The following DACH2 variants were observed in gnomAD, a reference collection of about 807,000 sequenced individuals.
The protein encoded by DACH2 is dachshund homolog 2.
In DACH2, 17 loss-of-function variants were observed where a neutral mutation model predicts 35.8. The ratio of observed to expected loss-of-function variants is 0.48; its 90% CI spans 0.33 to 0.71. The LOEUF (loss-of-function observed/expected upper bound fraction) is 0.71, where lower values mean the gene tolerates loss of function less well. DACH2 is among the 30% of genes least tolerant of loss of function. The pLI is 0.02. For synonymous variants in DACH2, 195 were observed against 177.3 expected, an observed-to-expected ratio of 1.10 and a Z score of -0.79; for missense variants, 469 against 472.7, an observed-to-expected ratio of 0.99 and a Z score of 0.07.
chrX:86,311,146 A>T (rs2034791799), intron 1 of DACH2, among the ~76,000 whole-genome samples: 1 of 112,056 alleles, frequency 8.9e-6, no homozygotes, highest in Non-Finnish European at 1.9e-5. Flanking sequence ...CCATCATGGA[A>T]AGAACAAAGG....
At position 86,369,835 on chromosome X, in the gene DACH2, A is replaced by C. The variant is rs149824610; in HGVS notation, c.489-6989A>C. Among the ~76,000 whole-genome samples, 15 of 111,874 alleles carry C rather than the reference A, an allele frequency of 1.3e-4. No individual in the cohort carries two copies. The East Asian group carries it at 4.0e-3, about 29-fold the overall frequency. On this transcript the variant is annotated intron_variant, in intron 1 of 11. Coordinates refer to ENST00000373125, the MANE Select transcript of DACH2 (RefSeq NM_053281.3). ...AACTTTGGCTACTCAGAGAAAGTTT[A>C]CTCAGATTCTAGAACACCATGGCTG... is the stretch of plus-strand genomic sequence containing the variant.
intron 1 of DACH2, among the ~76,000 whole-genome samples, chrX:86,346,538 A>G (rs2035500395): frequency 1.8e-5 from 2 of 111,526 alleles, no homozygotes; most frequent in South Asian, 7.5e-4. Context: ...TCATCTTAAG[A>G]TAAAACCCCA....
intron 1 of DACH2, among the ~76,000 whole-genome samples, chrX:86,315,157 A>G (rs778009881): frequency 5.4e-5 from 6 of 111,874 alleles, no homozygotes; most frequent in Non-Finnish European, 1.1e-4. Context: ...ATGCTCATTT[A>G]CCATTCTGAA....
At chrX:86,695,274 T>A in intron 5 of DACH2, 95 bp downstream of exon 5, 4 of 755,182 alleles carry the variant, frequency 5.3e-6, no homozygotes, top group Non-Finnish European at 5.2e-6. Context: ...AGTCTATTTT[T>A]CTTCAATAAA....
intron 7 of DACH2, chrX:86,799,042 G>T: frequency 3.5e-6 from 1 of 281,945 alleles, no homozygotes. Context: ...TTTTATAGCA[G>T]GTGGTATTCT....
intron 2 of DACH2, among the ~76,000 whole-genome samples, chrX:86,468,487 T>A (rs2037709688): frequency 9.0e-6 from 1 of 111,601 alleles, no homozygotes; most frequent in Non-Finnish European, 1.9e-5. Context: ...CTACAACAAC[T>A]TCTTTTAAAG....
chrX:86,565,475 G>A (rs191186085), intron 3 of DACH2, among the ~76,000 whole-genome samples: 17 of 111,284 alleles, frequency 1.5e-4, no homozygotes, highest in Non-Finnish European at 2.3e-4. Flanking sequence ...TTGGCAGCGG[G>A]GCCCAGCAGT....
intron 2 of DACH2, among the ~76,000 whole-genome samples, chrX:86,416,012 T>C (rs1170959119): frequency 8.9e-6 from 1 of 112,011 alleles, no homozygotes; most frequent in Non-Finnish European, 1.9e-5. Context: ...TGGTTTGAAG[T>C]CAAGCAACAT....
intron 2 of DACH2, among the ~76,000 whole-genome samples, chrX:86,485,401 T>C (rs1315415986): frequency 1.8e-5 from 2 of 111,360 alleles, no homozygotes; most frequent in African/African-American, 3.3e-5. Flanking sequence ...TGGAGAAAGA[T>C]TGGTCAATGG....
intron 1 of DACH2, among the ~76,000 whole-genome samples, chrX:86,206,303 T>G (rs1451928841): frequency 9.0e-6 from 1 of 111,224 alleles, no homozygotes; most frequent in East Asian, 2.8e-4. Context: ...GAAACTAGGT[T>G]TACTTGTTTT....
At chrX:86,795,007 A>G (rs540019551) in intron 7 of DACH2, among the ~76,000 whole-genome samples, 2 of 111,180 alleles carry the variant, frequency 1.8e-5, no homozygotes, top group East Asian at 2.8e-4. Context: ...ATATCTTGTC[A>G]TTAGCCAAGA....
intron 1 of DACH2, among the ~76,000 whole-genome samples, chrX:86,272,201 T>A (rs372999231): frequency 1.1e-4 from 11 of 103,904 alleles, no homozygotes; most frequent in South Asian, 4.0e-4. Flanking sequence ...CCTTTGAGAG[T>A]GTGTGTGTGT....
Position 86,583,101 on chromosome X carries a change from AAAAAC to A in DACH2, c.641-67930_641-67926del, listed in dbSNP as rs756330818. Among the ~76,000 whole-genome samples, 218 of 111,759 alleles carry A rather than the reference AAAAAC, an allele frequency of 2.0e-3. 2 individuals carry two copies. The highest frequency in any genetic ancestry group is 6.6e-3 in the African/African-American group (202 of 30,838). The stretch of plus-strand genomic sequence containing the variant: ...TGTGATTTATCACATAAGCAGAACT[AAAAAC>A]AAAAAGTAAATCATCATCTCAATAG... On this transcript the variant is annotated intron_variant, in intron 3 of 11. Coordinates refer to ENST00000373125, the MANE Select transcript of DACH2 (RefSeq NM_053281.3).
intron 1 of DACH2, among the ~76,000 whole-genome samples, chrX:86,254,512 A>C (rs1212675576): frequency 9.2e-6 from 1 of 108,819 alleles, no homozygotes; most frequent in Non-Finnish European, 1.9e-5. Flanking sequence ...AAATTCAAAA[A>C]TGACAGCTAA....
chrX:86,698,774 G>T (rs749917213), intron 5 of DACH2, among the ~76,000 whole-genome samples: 49 of 109,167 alleles, frequency 4.5e-4, no homozygotes, highest in Admixed American at 2.5e-3. Context: ...GGTCTCAAGA[G>T]ACCTGCCTGT....
At chrX:86,243,461 T>A (rs1026500390) in intron 1 of DACH2, among the ~76,000 whole-genome samples, 14 of 112,236 alleles carry the variant, frequency 1.2e-4, no homozygotes, top group South Asian at 3.7e-4. Flanking sequence ...CATGTTTTTT[T>A]AAAAAATAAC....
chrX:86,465,757 A>G (rs1485403571), intron 2 of DACH2, among the ~76,000 whole-genome samples: 5 of 112,076 alleles, frequency 4.5e-5, no homozygotes, highest in Admixed American at 2.8e-4. Context: ...CGTATAGTAG[A>G]TTACAAATAT....
intron 1 of DACH2, among the ~76,000 whole-genome samples, chrX:86,194,783 C>T (rs750283084): frequency 1.3e-4 from 15 of 112,509 alleles, no homozygotes; most frequent in African/African-American, 4.2e-4. Flanking sequence ...GATGGCCACC[C>T]GCTAAGCTTG....
intron 2 of DACH2, among the ~76,000 whole-genome samples, chrX:86,436,924 G>T (rs1479132772): frequency 9.0e-6 from 1 of 111,346 alleles, no homozygotes; most frequent in East Asian, 2.8e-4. Flanking sequence ...TGAGCATAGA[G>T]TTGTTAATAA....
Sources: allele counts gnomAD v4.1 joint callset (sites outside exome capture counted in the v4.1 genomes callset), GRCh38; gene constraint gnomAD v4.1.1; transcripts MANE v1.5; gene names NCBI Gene and HGNC (gene_info 2026-07-23, HGNC 2026-07-21).